B3GALT1: variants seen among roughly 807,000 people sequenced by gnomAD.
B3GALT1 encodes beta-1,3-galactosyltransferase 1, also known as UDP-Gal:betaGlcNAc beta 1,3-galactosyltransferase, polypeptide 1.
A neutral mutation model predicts 23.2 loss-of-function variants in B3GALT1; 10 were observed. That is an observed-to-expected ratio of 0.43 (90% confidence interval 0.27 to 0.73). The LOEUF (loss-of-function observed/expected upper bound fraction) is 0.73. Among genes scored for constraint, B3GALT1 ranks in the 30% least tolerant of loss-of-function variants. B3GALT1 has a pLI of 0.21. For missense variants in B3GALT1, 299 were observed against 405.4 expected, an observed-to-expected ratio of 0.74 and a Z score of 2.25; for synonymous variants, 156 against 141.5, an observed-to-expected ratio of 1.10 and a Z score of -0.73.
intron 3 of B3GALT1, among the ~76,000 whole-genome samples, chr2:167,712,195 A>T (rs1342369726): frequency 1.3e-5 from 2 of 152,204 alleles, no homozygotes; most frequent in Non-Finnish European, 2.9e-5. Context: ...AAAGACAGTG[A>T]TCAAGGATAT....
intron 3 of B3GALT1, among the ~76,000 whole-genome samples, chr2:167,748,654 A>C (rs1433062585): frequency 6.6e-6 from 1 of 152,186 alleles, no homozygotes; most frequent in African/African-American, 2.4e-5. Flanking sequence ...ATGGACCACA[A>C]ATTAGAAGAA....
At chr2:167,511,619 A>G (rs1482143834) in intron 2 of B3GALT1, among the ~76,000 whole-genome samples, 4 of 152,190 alleles carry the variant, frequency 2.6e-5, no homozygotes, top group African/African-American at 7.2e-5. Flanking sequence ...GAATCAGCTT[A>G]ATTTTAGATA....
intron 4 of B3GALT1, among the ~76,000 whole-genome samples, chr2:167,858,586 T>C (rs1690042397): frequency 6.6e-6 from 1 of 152,146 alleles, no homozygotes. Flanking sequence ...CCAGACATTA[T>C]CATTCTCATT....
chr2:167,447,975 C>T (rs777697048), intron 1 of B3GALT1, among the ~76,000 whole-genome samples: 16 of 152,234 alleles, frequency 1.1e-4, no homozygotes, highest in African/African-American at 2.9e-4. Flanking sequence ...TGTTCCTATT[C>T]GGCCATCTTG....
chr2:167,742,689 GA>G (rs1687594097), intron 3 of B3GALT1, among the ~76,000 whole-genome samples: 1 of 152,072 alleles, frequency 6.6e-6, no homozygotes, highest in East Asian at 1.9e-4. Flanking sequence ...TATGAGCACA[GA>G]AATGATGTAA....
At chr2:167,577,106 A>T (rs1473892405) in intron 2 of B3GALT1, among the ~76,000 whole-genome samples, 1 of 151,730 alleles carries the variant, frequency 6.6e-6, no homozygotes, top group African/African-American at 2.4e-5. Flanking sequence ...CCTTTTGGTC[A>T]TATTAGCAGT....
At chr2:167,687,795 A>G (rs1248630170) in intron 3 of B3GALT1, among the ~76,000 whole-genome samples, 1 of 152,190 alleles carries the variant, frequency 6.6e-6, no homozygotes, top group Non-Finnish European at 1.5e-5. Context: ...TATGAGAAAC[A>G]AAACCCCAAA....
intron 3 of B3GALT1, chr2:167,714,139 A>G: frequency 6.5e-7 from 1 of 1,526,866 alleles, no homozygotes; most frequent in Non-Finnish European, 9.1e-7. Context: ...AAGGCATATT[A>G]AAACTTCTGA....
chr2:167,748,364 A>G (rs1687683342), intron 3 of B3GALT1, among the ~76,000 whole-genome samples: 1 of 152,108 alleles, frequency 6.6e-6, no homozygotes, highest in South Asian at 2.1e-4. Context: ...TCATTGATGA[A>G]AAGAATTTCT....
intron 2 of B3GALT1, among the ~76,000 whole-genome samples, chr2:167,637,309 C>T (rs996913292): frequency 6.6e-6 from 1 of 151,940 alleles, no homozygotes; most frequent in Non-Finnish European, 1.5e-5. Context: ...TTCTGACGGC[C>T]GCAGCACCAG....
At chr2:167,545,210 T>C (rs1683613152) in intron 2 of B3GALT1, among the ~76,000 whole-genome samples, 2 of 151,826 alleles carry the variant, frequency 1.3e-5, no homozygotes. Flanking sequence ...AATTTTTTTG[T>C]ATTTTTAGTA....
At chr2:167,654,635 A>G (rs908865327) in intron 3 of B3GALT1, among the ~76,000 whole-genome samples, 3 of 151,980 alleles carry the variant, frequency 2.0e-5, no homozygotes, top group African/African-American at 4.8e-5. Context: ...CTGGGATAGC[A>G]AGTGTGCACC....
At chr2:167,629,228 A>T (rs548716562) in intron 2 of B3GALT1, among the ~76,000 whole-genome samples, 88 of 151,878 alleles carry the variant, frequency 5.8e-4, no homozygotes, top group African/African-American at 2.1e-3. Flanking sequence ...TGTCTAAGAG[A>T]TAGGTACATT....
chr2:167,666,969 A>G (rs1343838292), intron 3 of B3GALT1, among the ~76,000 whole-genome samples: 1 of 151,248 alleles, frequency 6.6e-6, no homozygotes, highest in Non-Finnish European at 1.5e-5. Context: ...TAATATTGTT[A>G]TGTGTGAATT....
intron 2 of B3GALT1, among the ~76,000 whole-genome samples, chr2:167,535,037 G>T (rs1683392870): frequency 6.6e-6 from 1 of 152,034 alleles, no homozygotes; most frequent in Admixed American, 6.6e-5. Context: ...CAAACCCAAG[G>T]GTCACTTCTA....
chr2:167,352,221 C>T (rs558428360), intron 1 of B3GALT1, among the ~76,000 whole-genome samples: 1 of 149,966 alleles, frequency 6.7e-6, no homozygotes, highest in Admixed American at 6.6e-5. Context: ...CCCACCTCGA[C>T]CTCCCAAAGT....
At chr2:167,368,901 A>C (rs996087325) in intron 1 of B3GALT1, among the ~76,000 whole-genome samples, 6 of 150,620 alleles carry the variant, frequency 4.0e-5, no homozygotes, top group Admixed American at 2.0e-4. Context: ...TCCCCCCCCC[A>C]TGTGAGTATT....
intron 1 of B3GALT1, among the ~76,000 whole-genome samples, chr2:167,386,361 A>T (rs1033936306): frequency 3.9e-5 from 6 of 152,146 alleles, no homozygotes; most frequent in African/African-American, 1.4e-4. Flanking sequence ...AGTGGTATTA[A>T]TTTTATGGTG....
intron 2 of B3GALT1, among the ~76,000 whole-genome samples, chr2:167,604,485 A>G (rs1224999802): frequency 6.6e-6 from 1 of 152,146 alleles, no homozygotes; most frequent in Non-Finnish European, 1.5e-5. Context: ...GATTACTATA[A>G]TTTTCATTCA....
Sources: gnomAD v4.1 joint callset for allele counts (sites outside exome capture counted in the v4.1 genomes callset) on GRCh38, gnomAD v4.1.1 for gene constraint, MANE v1.5 for transcripts, NCBI Gene and HGNC (gene_info 2026-07-23, HGNC 2026-07-21) for gene names.